Variants in GCSAML observed in about 807,000 individuals in gnomAD.
GCSAML encodes the protein germinal center-associated signaling and motility-like protein.
In GCSAML, 9 loss-of-function variants were observed where a neutral mutation model predicts 13.0. That is an observed-to-expected ratio of 0.69 (90% CI 0.42 to 1.21). The LOEUF (loss-of-function observed/expected upper bound fraction) is 1.21. Among genes scored for constraint, GCSAML ranks in the 50% most tolerant of loss-of-function variants. The pLI, the probability that GCSAML is intolerant of heterozygous loss-of-function variation, is 0.00. For missense variants in GCSAML, 143 were observed against 153.4 expected (o/e 0.93, Z 0.36); for synonymous variants, 37 against 52.9 (o/e 0.70, Z 1.31).
chr1:247,533,810 A>G (rs977420437), intron 2 of GCSAML: 10 of 152,218 alleles, frequency 6.6e-5, no homozygotes, highest in Admixed American at 6.5e-4. Context: ...CTTTTCTCCT[A>G]TGAATCTGCC....
upstream of GCSAML, among the ~76,000 whole-genome samples, chr1:247,546,990 C>T (rs1395109679): frequency 1.3e-5 from 2 of 150,246 alleles, no homozygotes; most frequent in African/African-American, 4.9e-5. Context: ...GTGTTCCCAG[C>T]TACTTGGGGG....
intron 1 of GCSAML, among the ~76,000 whole-genome samples, chr1:247,515,955 C>G (rs2037874): frequency 0.99 from 150,773 of 152,252 alleles, 74,668 homozygotes; most frequent in East Asian, 1. Flanking sequence ...TGATAAGACT[C>G]TTATCTGTTG....
intron 2 of GCSAML, among the ~76,000 whole-genome samples, chr1:247,559,302 C>G (rs1484662551): frequency 6.6e-6 from 1 of 152,168 alleles, no homozygotes; most frequent in African/African-American, 2.4e-5. Flanking sequence ...AGAAATTAAT[C>G]TACTGGTTTA....
chr1:247,515,401 A>G (rs1315600224), intron 1 of GCSAML, among the ~76,000 whole-genome samples: 1 of 152,220 alleles, frequency 6.6e-6, no homozygotes, highest in Non-Finnish European at 1.5e-5. Flanking sequence ...TACAGTTTAA[A>G]ATGTTGTTTA....
At chr1:247,535,564 A>G (rs1272252276) in intron 2 of GCSAML, among the ~76,000 whole-genome samples, 2 of 152,222 alleles carry the variant, frequency 1.3e-5, no homozygotes, top group African/African-American at 4.8e-5. Flanking sequence ...TGGAAAGATA[A>G]AAATTTTGTT....
intron 1 of GCSAML, among the ~76,000 whole-genome samples, chr1:247,514,946 CT>C (rs1666162406): frequency 6.6e-6 from 1 of 152,088 alleles, no homozygotes; most frequent in Non-Finnish European, 1.5e-5. Context: ...TATGTGGGCT[CT>C]TTTTTGCTTC....
intron 1 of GCSAML, among the ~76,000 whole-genome samples, chr1:247,552,695 C>T (rs114397601): frequency 0.012 from 1,889 of 152,266 alleles, 33 homozygotes; most frequent in African/African-American, 0.041. Context: ...AATTTGGATT[C>T]AGACAACATT....
chr1:247,546,953 A>T (rs1011605466), upstream of GCSAML, among the ~76,000 whole-genome samples: 1 of 61,838 alleles, frequency 1.6e-5, no homozygotes, highest in Non-Finnish European at 2.8e-5. Context: ...AAAAAAAAAG[A>T]TTAGCCTAGT....
chr1:247,518,628 C>T (rs1430999111), intron 1 of GCSAML: 1 of 152,314 alleles, frequency 6.6e-6, no homozygotes, highest in Non-Finnish European at 1.5e-5. Context: ...AACACTCACC[C>T]CGCGATTTCG....
chr1:247,565,637 T>G, intron 3 of GCSAML: 1 of 298,966 alleles, frequency 3.3e-6, no homozygotes, highest in Non-Finnish European at 6.1e-6. Context: ...ATGAACATTT[T>G]ATTACCAAAT....
At chr1:247,569,298 A>G (rs1668509657) in intron 4 of GCSAML, among the ~76,000 whole-genome samples, 1 of 152,212 alleles carries the variant, frequency 6.6e-6, no homozygotes, top group Admixed American at 6.5e-5. Context: ...TTCAAAGGGA[A>G]TGCTTCCAAC....
chr1:247,563,063 A>C (rs143871430), intron 2 of GCSAML, among the ~76,000 whole-genome samples: 1 of 150,456 alleles, frequency 6.6e-6, no homozygotes, highest in Non-Finnish European at 1.5e-5. Context: ...TTGGCCAGGA[A>C]GGTCTCGATC....
intron 1 of GCSAML, among the ~76,000 whole-genome samples, chr1:247,524,156 CCTTTA>C (rs1572296787): frequency 1.3e-5 from 2 of 152,246 alleles, no homozygotes; most frequent in East Asian, 1.9e-4. Flanking sequence ...CTTATCATGC[CCTTTA>C]CTTCTTCCAA....
At chr1:247,553,448 T>C (rs1036892248) in intron 1 of GCSAML, among the ~76,000 whole-genome samples, 3 of 152,238 alleles carry the variant, frequency 2.0e-5, no homozygotes, top group African/African-American at 7.2e-5. Context: ...TATGTCAGAA[T>C]TCTTAGGCAT....
intron 4 of GCSAML, among the ~76,000 whole-genome samples, chr1:247,567,463 T>C (rs1443701875): frequency 6.6e-6 from 1 of 152,168 alleles, no homozygotes; most frequent in Non-Finnish European, 1.5e-5. Flanking sequence ...TTGCTGAGAA[T>C]GATGGTTTCC....
At chr1:247,563,262 A>G (rs931491679) in intron 2 of GCSAML, among the ~76,000 whole-genome samples, 5 of 152,188 alleles carry the variant, frequency 3.3e-5, no homozygotes, top group African/African-American at 9.7e-5. Flanking sequence ...AATAAATTTC[A>G]AAACTTTCCA....
intron 1 of GCSAML, among the ~76,000 whole-genome samples, chr1:247,553,403 C>T (rs116453453): frequency 0.015 from 2,299 of 151,998 alleles, 62 homozygotes; most frequent in African/African-American, 0.053. Context: ...CCTTACAAGT[C>T]TTATAGGTAC....
At chr1:247,570,872 C>G (rs1424992351) in intron 4 of GCSAML, among the ~76,000 whole-genome samples, 1 of 152,086 alleles carries the variant, frequency 6.6e-6, no homozygotes, top group Non-Finnish European at 1.5e-5. Flanking sequence ...TAAAGACTTG[C>G]TTTATGAATC....
At chr1:247,538,573 CA>C (rs566144953) in intron 2 of GCSAML, 16 of 340,798 alleles carry the variant, frequency 4.7e-5, no homozygotes, top group Non-Finnish European at 9.3e-5. Context: ...ATAAGAGTGG[CA>C]GCCTAATGTC....
Sources: gnomAD v4.1 joint callset for allele counts (sites outside exome capture counted in the v4.1 genomes callset) on GRCh38, gnomAD v4.1.1 for gene constraint, MANE v1.5 for transcripts, NCBI Gene and HGNC (gene_info 2026-07-23, HGNC 2026-07-21) for gene names.